The following SUN5 variants were observed in gnomAD, a reference collection of about 807,000 sequenced individuals.
The protein encoded by SUN5 is SUN domain-containing protein 5.
Under a neutral mutation model 53.7 loss-of-function variants are expected in SUN5, and 44 were observed. That is an observed-to-expected ratio of 0.82 (90% CI 0.64 to 1.05). The LOEUF (loss-of-function observed/expected upper bound fraction) is 1.05, where lower values mean the gene tolerates loss of function less well. Ranked by LOEUF, SUN5 falls within the 50% of genes least tolerant of loss-of-function variation. The pLI, the probability that SUN5 is intolerant of heterozygous loss-of-function variation, is 0.00. For missense variants in SUN5, 433 were observed against 483.8 expected (o/e 0.90, Z 0.98); for synonymous variants, 166 against 179.8 (o/e 0.92, Z 0.62).
chr20:32,984,368 C>T (rs1297647695), intron 12 of SUN5, among the ~76,000 whole-genome samples: 1 of 152,204 alleles, frequency 6.6e-6, no homozygotes, highest in Non-Finnish European at 1.5e-5. Flanking sequence ...TCCACAGACT[C>T]CCGGCACATA....
chr20:33,001,519 C>CTTCTTTCTTTCTTTCT lies in SUN5; in HGVS notation c.212-257_212-242dup, dbSNP rs112468655. Among the ~76,000 whole-genome samples the CTTCTTTCTTTCTTTCT allele has an allele frequency of 8.4e-3, 1,025 of 121,356 alleles. 32 individuals carry two copies. Among genetic ancestry groups the CTTCTTTCTTTCTTTCT allele is most frequent in the East Asian group, 0.02 (94 of 4,648 alleles). 79.6% of individuals were successfully genotyped at this position (121,356 alleles called of 152,430 possible). Reference sequence around the variant, plus strand: ...CAGTTAACAGACATTTTCTTTCTTTCTTCTTTCTTTCTTTCTTTCTTTCTT... The same window carrying CTTCTTTCTTTCTTTCT: ...CAGTTAACAGACATTTTCTTTCTTTCTTCTTTCTTTCTTTCTTTCTTTCTTTCTTTCTTTCTTTCTT... On this transcript the variant is annotated intron_variant, in intron 3 of 12. Transcript: ENST00000356173.
intron 9 of SUN5, among the ~76,000 whole-genome samples, chr20:32,988,105 C>T (rs186178451): frequency 1.3e-5 from 2 of 152,198 alleles, no homozygotes; most frequent in East Asian, 1.9e-4. Flanking sequence ...GTGGTGGCAA[C>T]GGCCCCCACG....
At chr20:32,999,992 A>T (rs1384755657) in intron 5 of SUN5, 82 bp downstream of exon 5, 1 of 1,566,740 alleles carries the variant, frequency 6.4e-7, no homozygotes, top group African/African-American at 1.3e-5. Context: ...GTGGCAGTGC[A>T]GTGTCTTGCC....
chr20:33,002,278 G>C (rs1351376277), intron 3 of SUN5, among the ~76,000 whole-genome samples: 1 of 152,168 alleles, frequency 6.6e-6, no homozygotes, highest in Non-Finnish European at 1.5e-5. Flanking sequence ...ATAAGGTCTG[G>C]GAGAACTGAT....
chr20:33,001,566 T>TTTCTTTCTTTCTTTCTTTCCTTC (rs1568970962), intron 3 of SUN5, among the ~76,000 whole-genome samples: 15 of 45,684 alleles, frequency 3.3e-4, no homozygotes, highest in African/African-American at 1.4e-3. Context: ...TTCTTTCTTT[T>TTTCTTTCTTTCTTTCTTTCCTTC]CTTCCTTCCT....
intron 2 of SUN5, 32 bp downstream of exon 2, chr20:33,002,829 A>G (rs188436011): frequency 8.1e-6 from 13 of 1,613,270 alleles, no homozygotes; most frequent in Non-Finnish European, 1.1e-5. Context: ...TCAGCTGCCC[A>G]TGAAAATACC....
chr20:33,002,446 C>T (rs1388680782), intron 3 of SUN5, 141 bp downstream of exon 3: 2 of 764,312 alleles, frequency 2.6e-6, no homozygotes, highest in African/African-American at 1.7e-5. Flanking sequence ...ATGGGTAGAA[C>T]TCCAGAGTTC....
At chr20:33,001,066 G>A in intron 4 of SUN5, 146 bp downstream of exon 4, 1 of 837,774 alleles carries the variant, frequency 1.2e-6, no homozygotes, top group Non-Finnish European at 1.9e-6. Context: ...GGGTTCTGGG[G>A]TGGGAGTGTT....
intron 5 of SUN5, among the ~76,000 whole-genome samples, chr20:32,999,529 T>C (rs1989944241): frequency 6.6e-6 from 1 of 151,714 alleles, no homozygotes; most frequent in African/African-American, 2.4e-5. Context: ...GAGGCGGAGG[T>C]TGCAGTGAGC....
At chr20:32,986,848 G>A (rs746264) in intron 10 of SUN5, among the ~76,000 whole-genome samples, 58,001 of 151,318 alleles carry the variant, frequency 0.38, 12,263 homozygotes, top group Middle Eastern at 0.52. Context: ...CCCCACTCCC[G>A]GGCCCTGTGC....
chr20:32,987,569 C>G, intron 10 of SUN5, 91 bp downstream of exon 10: 1 of 732,180 alleles, frequency 1.4e-6, no homozygotes, highest in Non-Finnish European at 2.0e-6. Flanking sequence ...TCCCTTTGCT[C>G]CCACCCCCTA....
intron 8 of SUN5, among the ~76,000 whole-genome samples, chr20:32,993,997 C>T (rs1568966548): frequency 6.6e-6 from 1 of 152,204 alleles, no homozygotes; most frequent in South Asian, 2.1e-4. Flanking sequence ...AAGTTTGCTC[C>T]TGGCGGAGAA....
intron 10 of SUN5, 81 bp downstream of exon 10, chr20:32,987,579 A>T: frequency 5.4e-6 from 5 of 927,120 alleles, no homozygotes; most frequent in South Asian, 2.7e-5. Context: ...CCCACCCCCT[A>T]CCTCTTCTGC....
In SUN5 at chr20:32,985,768, G is replaced by A. The variant is rs1989520557; in HGVS notation, c.865C>T (p.Leu289=). 2 of 1,614,108 alleles carry A rather than the reference G, an allele frequency of 1.2e-6. No homozygotes were observed. The highest frequency in any genetic ancestry group is 1.7e-4 in the Middle Eastern group (1 of 6,058). ...ACGAAGTCCTTGGGGGCGGTGTCCA[G>A]GCTGCCTGACAATGAGATGGTCTTG... The part of the protein sequence containing the change: ...IPKTISLSGS[L]DTAPKDFVIY... The change falls in exon 11 of 13, where the codon CTG becomes TTG. Residue 289 remains leucine, a synonymous_variant. Transcript: ENST00000356173.
Position 32,985,150 on chromosome 20 carries a change from C to T in SUN5, c.933G>A (p.Leu311=). 1 of 1,614,082 alleles carries T rather than the reference C, an allele frequency of 6.2e-7. No homozygotes were observed. Among genetic ancestry groups the T allele is most frequent in the Non-Finnish European group, 8.5e-7 (1 of 1,179,984 alleles). The part of the protein sequence containing the change: ...MEGSPKEEVF[L]GAFQFQPENI... ...TTTCTGGCTGAAACTGAAATGCCCC[C>T]AGGAACACCTCCTCCTTGGGGGAGC... Residue 311 remains leucine (L), a synonymous_variant, in exon 12 of 13, where the codon CTG becomes CTA. Coordinates refer to ENST00000356173, the MANE Select transcript of SUN5 (RefSeq NM_080675.4).
Position 32,996,345 on chromosome 20 carries a change from T to C in SUN5, c.404A>G (p.Asn135Ser). 2.1e-5 allele frequency: 34 copies of C among 1,613,320 alleles called. No individual in the cohort carries two copies. Among genetic ancestry groups the C allele is most frequent in the Non-Finnish European group, 2.9e-5 (34 of 1,179,472 alleles). Residue 135 changes from asparagine to serine, a missense_variant, in exon 7 of 13, where the codon AAT becomes AGT. By Grantham distance (46) the Asn-to-Ser change is conservative. Transcript: ENST00000356173. ...KMKVWQDDSI[N>S]GPLQSLRLYQ... ...TTACCTCAAGCTCTGCAGTGGACCA[T>C]TTATGCTGTCATCCTGGTGGAGTAT... is the stretch of plus-strand genomic sequence containing the variant.
intron 8 of SUN5, among the ~76,000 whole-genome samples, chr20:32,994,708 A>G (rs1203803455): frequency 1.3e-5 from 2 of 152,126 alleles, no homozygotes; most frequent in African/African-American, 4.8e-5. Context: ...AGACCAGCCA[A>G]GTCGACATGG....
chr20:32,986,651 G>A (rs774910213), intron 10 of SUN5, among the ~76,000 whole-genome samples: 6 of 152,170 alleles, frequency 3.9e-5, no homozygotes, highest in African/African-American at 1.4e-4. Context: ...GACCAGGGGC[G>A]AGCCAGGCTT....
intron 10 of SUN5, 42 bp from the exon 11 acceptor site, chr20:32,985,945 G>A (rs1989527791): frequency 6.3e-7 from 1 of 1,589,568 alleles, no homozygotes; most frequent in Non-Finnish European, 8.6e-7. Context: ...TGGGTGGGTA[G>A]GGGGATCATC....
Sources: gnomAD v4.1 joint callset for allele counts (sites outside exome capture counted in the v4.1 genomes callset) on GRCh38, gnomAD v4.1.1 for gene constraint, MANE v1.5 for transcripts, NCBI Gene and HGNC (gene_info 2026-07-23, HGNC 2026-07-21) for gene names.